Variants in LGSN observed in about 807,000 individuals in gnomAD.
The protein encoded by LGSN is lengsin, lens protein with glutamine synthetase domain.
LGSN carries 21 observed loss-of-function variants against 19.5 expected under a neutral mutation model. The ratio of observed to expected loss-of-function variants is 1.07; its 90% CI spans 0.76 to 1.55. The LOEUF (loss-of-function observed/expected upper bound fraction) is 1.55. Ranked by LOEUF, LGSN falls within the 40% of genes most tolerant of loss-of-function variation. The pLI is 0.00. For missense variants in LGSN, 673 were observed against 608.5 expected, an observed-to-expected ratio of 1.11 and a Z score of -1.12; for synonymous variants, 257 against 215.6, an observed-to-expected ratio of 1.19 and a Z score of -1.68.
chr6:63,441,427 CT>C, the LGSN span: 1 of 460,266 alleles, frequency 2.2e-6, no homozygotes, highest in Admixed American at 2.6e-5. Flanking sequence ...AGAATAACCT[CT>C]GGATCCCGGC....
At chr6:63,547,179 A>AG in the LGSN span, among the ~76,000 whole-genome samples, 2 of 149,384 alleles carry the variant, frequency 1.3e-5, no homozygotes, top group African/African-American at 4.9e-5. Flanking sequence ...ACAGGCTAGT[A>AG]GGGGGGAATT....
chr6:63,353,326 G>A, the LGSN span, among the ~76,000 whole-genome samples: 2 of 152,042 alleles, frequency 1.3e-5, no homozygotes, highest in South Asian at 4.1e-4. Flanking sequence ...AGACACACAG[G>A]AAAACCTGAT....
At chr6:63,408,552 C>T in the LGSN span, among the ~76,000 whole-genome samples, 11,104 of 143,076 alleles carry the variant, frequency 0.078, 943 homozygotes, top group African/African-American at 0.23. Context: ...AAGACTTAAA[C>T]GTTAGACCTA....
chr6:63,475,759 T>G, the LGSN span, among the ~76,000 whole-genome samples: 3 of 152,130 alleles, frequency 2.0e-5, no homozygotes, highest in Non-Finnish European at 2.9e-5. Context: ...CAACAACAAC[T>G]GTTGTTGCTA....
the LGSN span, among the ~76,000 whole-genome samples, chr6:63,356,831 C>T: frequency 6.6e-6 from 1 of 151,624 alleles, no homozygotes; most frequent in Non-Finnish European, 1.5e-5. Flanking sequence ...AAAATCACAA[C>T]CCCCAATTTT....
chr6:63,288,094 T>G (rs1257676842), intron 2 of LGSN, among the ~76,000 whole-genome samples: 2 of 151,830 alleles, frequency 1.3e-5, no homozygotes, highest in Admixed American at 1.3e-4. Flanking sequence ...GGCATTCACC[T>G]GTAATCCCAG....
chr6:63,468,837 C>T, the LGSN span, among the ~76,000 whole-genome samples: 1 of 151,898 alleles, frequency 6.6e-6, no homozygotes, highest in African/African-American at 2.4e-5. Flanking sequence ...CAACCTCTGT[C>T]TCCTGGGTTC....
chr6:63,346,479 A>G, the LGSN span, among the ~76,000 whole-genome samples: 1 of 151,980 alleles, frequency 6.6e-6, no homozygotes, highest in African/African-American at 2.4e-5. Flanking sequence ...CCCTTCCCCC[A>G]TATCTTGCCT....
chr6:63,281,331 A>ATATATATATATATATATAT (rs35210619), intron 3 of LGSN, 111 bp from the exon 4 acceptor site: 1 of 140,676 alleles, frequency 7.1e-6, no homozygotes, highest in Non-Finnish European at 1.4e-5. Flanking sequence ...ATATATATAT[A>ATATATATATATATATATAT]ATAAATATAT....
At chr6:63,557,058 T>C in the LGSN span, among the ~76,000 whole-genome samples, 2 of 152,212 alleles carry the variant, frequency 1.3e-5, no homozygotes, top group East Asian at 3.8e-4. Context: ...TAAATACTTA[T>C]TATGTGCCAA....
the LGSN span, among the ~76,000 whole-genome samples, chr6:63,425,339 T>C: frequency 6.6e-6 from 1 of 152,216 alleles, no homozygotes; most frequent in Non-Finnish European, 1.5e-5. Context: ...CAGCTTTAAT[T>C]CATTATAGCT....
At chr6:63,369,612 GA>G in the LGSN span, among the ~76,000 whole-genome samples, 2 of 152,148 alleles carry the variant, frequency 1.3e-5, no homozygotes, top group East Asian at 3.9e-4. Flanking sequence ...AATGCAATAA[GA>G]AAATGAATAT....
chr6:63,308,277 T>C (rs905630051), intron 1 of LGSN, among the ~76,000 whole-genome samples: 2 of 152,282 alleles, frequency 1.3e-5, no homozygotes, highest in Non-Finnish European at 2.9e-5. Context: ...TTTTGTCTCA[T>C]ACATGGGAAT....
At chr6:63,449,822 A>G in the LGSN span, among the ~76,000 whole-genome samples, 2 of 152,212 alleles carry the variant, frequency 1.3e-5, no homozygotes, top group South Asian at 4.1e-4. Flanking sequence ...ACTAAATAGA[A>G]TATACAACTA....
chr6:63,456,166 G>A, the LGSN span, among the ~76,000 whole-genome samples: 4 of 151,454 alleles, frequency 2.6e-5, no homozygotes, highest in Admixed American at 1.3e-4. Flanking sequence ...GGAGGTAAAG[G>A]TTGCAGTGAG....
At chr6:63,473,472 T>TAAAAAA in the LGSN span, among the ~76,000 whole-genome samples, 5 of 59,368 alleles carry the variant, frequency 8.4e-5, no homozygotes, top group African/African-American at 3.0e-4. Flanking sequence ...ACACTCTGTC[T>TAAAAAA]AAAAAAAAAA....
chr6:63,432,597 C>T, the LGSN span, among the ~76,000 whole-genome samples: 1 of 151,530 alleles, frequency 6.6e-6, no homozygotes, highest in African/African-American at 2.4e-5. Flanking sequence ...GAGGCTGAGG[C>T]AGGAGAATGG....
chr6:63,459,925 C>A, the LGSN span, among the ~76,000 whole-genome samples: 2 of 151,706 alleles, frequency 1.3e-5, no homozygotes, highest in Non-Finnish European at 2.9e-5. Context: ...TTAAAAAGAA[C>A]CTTTTCTGAT....
intron 1 of LGSN, among the ~76,000 whole-genome samples, chr6:63,314,842 T>A (rs1388329986): frequency 6.7e-6 from 1 of 150,354 alleles, no homozygotes; most frequent in Non-Finnish European, 1.5e-5. Flanking sequence ...CCAGAAAGAA[T>A]TGGAGGTTTT....
Sources: allele counts gnomAD v4.1 joint callset (sites outside exome capture counted in the v4.1 genomes callset), GRCh38; gene constraint gnomAD v4.1.1; transcripts MANE v1.5; gene names NCBI Gene and HGNC (gene_info 2026-07-23, HGNC 2026-07-21).